CAMK1D: variants seen among roughly 807,000 people sequenced by gnomAD.
CAMK1D encodes the protein calcium/calmodulin-dependent protein kinase type 1D.
A neutral mutation model predicts 47.7 loss-of-function variants in CAMK1D; 9 were observed. That is an observed-to-expected ratio of 0.19 (90% CI 0.11 to 0.33). The LOEUF is 0.33. CAMK1D is among the 10% of genes least tolerant of loss of function. CAMK1D has a pLI of 1.00. For missense variants in CAMK1D, 291 were observed against 488.7 expected, an observed-to-expected ratio of 0.60 and a Z score of 3.81; for synonymous variants, 184 against 184.9, an observed-to-expected ratio of 0.99 and a Z score of 0.04.
chr10:12,612,498 G>A lies in CAMK1D; in HGVS notation c.225-54238G>A, dbSNP rs1838661469. On this transcript the variant is annotated intron_variant, in intron 2 of 10. Coordinates refer to ENST00000619168, the MANE Select transcript of CAMK1D (RefSeq NM_153498.4). ...TGGGGATTAAGGCATGAACCACCATGCCTGGTGGCCTCAGGTTGGGTTTTA... is the reference window on the plus strand; with the variant it reads ...TGGGGATTAAGGCATGAACCACCATACCTGGTGGCCTCAGGTTGGGTTTTA... Among the ~76,000 whole-genome samples, 5 of 152,020 alleles carry A rather than the reference G, an allele frequency of 3.3e-5. No homozygotes were observed. The South Asian group carries it at 1.0e-3, about 32-fold the overall frequency.
At chr10:12,503,510 G>A (rs1412282230) in intron 1 of CAMK1D, among the ~76,000 whole-genome samples, 1 of 152,188 alleles carries the variant, frequency 6.6e-6, no homozygotes, top group Non-Finnish European at 1.5e-5. Flanking sequence ...AGGGGGGCCT[G>A]TGAGAGAGAA....
chr10:12,781,768 C>T (rs534791673), intron 5 of CAMK1D, among the ~76,000 whole-genome samples: 5 of 151,794 alleles, frequency 3.3e-5, no homozygotes, highest in Non-Finnish European at 7.4e-5. Flanking sequence ...TCTCCTGCCT[C>T]ATCCTCCCGA....
intron 1 of CAMK1D, among the ~76,000 whole-genome samples, chr10:12,376,744 T>TTTTC (rs1838193717): frequency 6.6e-6 from 1 of 150,616 alleles, no homozygotes; most frequent in African/African-American, 2.5e-5. Flanking sequence ...GTAACCATTT[T>TTTTC]TTTTCTTTTC....
intron 2 of CAMK1D, among the ~76,000 whole-genome samples, chr10:12,593,566 G>A (rs1838058760): frequency 6.6e-6 from 1 of 151,948 alleles, no homozygotes; most frequent in Non-Finnish European, 1.5e-5. Flanking sequence ...CTCCAGCCTG[G>A]GCAACAAGAG....
At chr10:12,654,981 C>T (rs1345563312) in intron 2 of CAMK1D, among the ~76,000 whole-genome samples, 1 of 152,182 alleles carries the variant, frequency 6.6e-6, no homozygotes, top group Non-Finnish European at 1.5e-5. Context: ...CAAAAATGTT[C>T]CAGTTATTAG....
chr10:12,655,023 C>T (rs116191316), intron 2 of CAMK1D, among the ~76,000 whole-genome samples: 152 of 152,292 alleles, frequency 1.0e-3, no homozygotes, highest in African/African-American at 3.4e-3. Context: ...AATTCTAGCA[C>T]GTATCTGAGC....
At chr10:12,421,155 A>C (rs1056502449) in intron 1 of CAMK1D, among the ~76,000 whole-genome samples, 3 of 152,180 alleles carry the variant, frequency 2.0e-5, no homozygotes, top group Non-Finnish European at 2.9e-5. Context: ...GGCGGGTGTA[A>C]GCTTCAGGTA....
intron 1 of CAMK1D, among the ~76,000 whole-genome samples, chr10:12,425,969 T>C (rs983782419): frequency 6.6e-6 from 1 of 152,246 alleles, no homozygotes; most frequent in African/African-American, 2.4e-5. Flanking sequence ...TATTAAATAA[T>C]TCAGGCTCAC....
chr10:12,637,362 G>C (rs2132478612), intron 2 of CAMK1D, among the ~76,000 whole-genome samples: 1 of 152,308 alleles, frequency 6.6e-6, no homozygotes, highest in East Asian at 1.9e-4. Context: ...TCTCTCGAAA[G>C]TCATGCGTTT....
chr10:12,416,799 G>T (rs1839864447), intron 1 of CAMK1D, among the ~76,000 whole-genome samples: 1 of 152,198 alleles, frequency 6.6e-6, no homozygotes, highest in African/African-American at 2.4e-5. Context: ...TATCAGTTCA[G>T]CTGAGCTTAC....
Position 12,611,609 on chromosome 10 carries a change from T to TTTTTTTTTTTTTTTTTTTTTTTTTTTTTG in CAMK1D, c.225-55127_225-55126insTTTTTTTTTTTTTTTTTTTTTTTTTTTTG, listed in dbSNP as rs1554796845. Among the ~76,000 whole-genome samples, 2 of 124,710 alleles carry TTTTTTTTTTTTTTTTTTTTTTTTTTTTTG rather than the reference T, an allele frequency of 1.6e-5. 1 individual carries two copies. Among genetic ancestry groups the TTTTTTTTTTTTTTTTTTTTTTTTTTTTTG allele is most frequent in the Admixed American group, 1.9e-4 (2 of 10,708 alleles). 81.8% of individuals were successfully genotyped at this position (124,710 alleles called of 152,430 possible). On this transcript the variant is annotated intron_variant, in intron 2 of 10. Transcript: ENST00000619168. Reference sequence around the variant, plus strand: ...ATGCCTTTTTTTTTTTTTTTTTTTTTGAGACAGAGTCTTACTCTGTCTCCC... The same window carrying TTTTTTTTTTTTTTTTTTTTTTTTTTTTTG: ...ATGCCTTTTTTTTTTTTTTTTTTTTTTTTTTTTTTTTTTTTTTTTTTTTTTTTTGGAGACAGAGTCTTACTCTGTCTCCC...
At chr10:12,355,290 A>G (rs567848088) in intron 1 of CAMK1D, among the ~76,000 whole-genome samples, 44 of 152,138 alleles carry the variant, frequency 2.9e-4, no homozygotes, top group African/African-American at 1.0e-3. Flanking sequence ...TATAAATAGA[A>G]ACTTCCGTGG....
chr10:12,747,445 A>G (rs570733085), intron 3 of CAMK1D, among the ~76,000 whole-genome samples: 24 of 152,292 alleles, frequency 1.6e-4, no homozygotes, highest in African/African-American at 5.5e-4. Flanking sequence ...AGCTGGGACT[A>G]CAAGTGTGCA....
intron 3 of CAMK1D, among the ~76,000 whole-genome samples, chr10:12,704,140 G>A (rs914605084): frequency 6.6e-6 from 1 of 152,096 alleles, no homozygotes; most frequent in South Asian, 2.1e-4. Context: ...CTTACTGCAG[G>A]TGTGTCCATA....
In CAMK1D at chr10:12,556,006, G is replaced by T. The variant is rs1836748647; in HGVS notation, c.224+2650G>T. 1.3e-5 allele frequency among the ~76,000 whole-genome samples: 2 copies of T among 152,148 alleles called. 1 individual carries two copies. The highest frequency in any genetic ancestry group is 4.1e-4 in the South Asian group (2 of 4,826). On this transcript the variant is annotated intron_variant, in intron 2 of 10. Transcript: ENST00000619168. The stretch of plus-strand genomic sequence containing the variant: ...AAAACCAAGGAGGGCCAGAGGGCTG[G>T]AATAACTTGTTTTGATAGTTGTTCA...
chr10:12,502,875 A>G (rs1564376456), intron 1 of CAMK1D, among the ~76,000 whole-genome samples: 1 of 152,166 alleles, frequency 6.6e-6, no homozygotes, highest in African/African-American at 2.4e-5. Context: ...CTTGGAGCCC[A>G]TCTTCACTGC....
intron 1 of CAMK1D, among the ~76,000 whole-genome samples, chr10:12,420,305 G>A (rs1472623291): frequency 6.6e-6 from 1 of 152,248 alleles, no homozygotes; most frequent in Non-Finnish European, 1.5e-5. Flanking sequence ...GATAGAGCTG[G>A]TGGCAGCTGA....
At position 12,747,180 on chromosome 10, in the gene CAMK1D, C is replaced by T. The variant is rs560236862; in HGVS notation, c.300-13768C>T. Among the ~76,000 whole-genome samples, 3 of 152,142 alleles carry T rather than the reference C, an allele frequency of 2.0e-5. 1 individual carries two copies. In the East Asian group the frequency reaches 5.8e-4, roughly 30 times the overall value. ...CCGAGTAGCTGGGACTACAGGCGCA[C>T]ACCACCAAGCCCAGCTAATTTTTGT... On this transcript the variant is annotated intron_variant, in intron 3 of 10. Transcript: ENST00000619168.
intron 2 of CAMK1D, among the ~76,000 whole-genome samples, chr10:12,610,890 G>A (rs1379145320): frequency 1.3e-5 from 2 of 152,164 alleles, no homozygotes; most frequent in Non-Finnish European, 2.9e-5. Flanking sequence ...ATACATCAGT[G>A]TTCTGTGAGT....
Sources: gnomAD v4.1 joint callset for allele counts (sites outside exome capture counted in the v4.1 genomes callset) on GRCh38, gnomAD v4.1.1 for gene constraint, MANE v1.5 for transcripts, NCBI Gene and HGNC (gene_info 2026-07-23, HGNC 2026-07-21) for gene names.